LANCL3: variants seen among roughly 807,000 people sequenced by gnomAD.
LANCL3 encodes LanC like family member 3.
LANCL3 carries 19 observed loss-of-function variants against 26.5 expected under a neutral mutation model. The ratio of observed to expected loss-of-function variants is 0.72; its 90% CI spans 0.50 to 1.05. The LOEUF (loss-of-function observed/expected upper bound fraction) is 1.05. Among genes scored for constraint, LANCL3 ranks in the 50% least tolerant of loss-of-function variants. LANCL3 has a pLI of 0.00. For synonymous variants in LANCL3, 160 were observed against 166.6 expected (o/e 0.96, Z 0.30); for missense variants, 318 against 362.7 (o/e 0.88, Z 1.00).
In LANCL3 at chrX:37,572,299, C is replaced by T. The variant is rs1923613980; in HGVS notation, c.429C>T (p.Tyr143=). Residue 143 remains tyrosine, a synonymous_variant, in exon 1 of 5, where the codon TAC becomes TAT. Coordinates refer to ENST00000378619, the MANE Select transcript of LANCL3 (RefSeq NM_001170331.2). ...ACCACGCCCTGGGCCGGTCCGACTA[C>T]GTGCAGCCGCTGGGCAAGTTCCGGG... ...LVYHALGRSD[Y]VQPLGKFRAL... is the part of the protein sequence containing the mutation. The T allele has an allele frequency of 1.7e-6, 2 of 1,156,605 alleles. No individual in the cohort carries two copies. The highest frequency in any genetic ancestry group is 1.1e-6 in the Non-Finnish European group (1 of 869,857).
chrX:37,607,588 A>C (rs922067644), intron 1 of LANCL3, among the ~76,000 whole-genome samples: 1 of 112,703 alleles, frequency 8.9e-6, no homozygotes, highest in African/African-American at 3.2e-5. Flanking sequence ...TCATAGTACC[A>C]GCTTAGAATA....
chrX:37,623,665 T>C (rs1184337122), intron 1 of LANCL3, among the ~76,000 whole-genome samples: 4 of 112,236 alleles, frequency 3.6e-5, no homozygotes, highest in Non-Finnish European at 7.5e-5. Flanking sequence ...TTTTTTAAAG[T>C]ATTGCATGTA....
intron 1 of LANCL3, among the ~76,000 whole-genome samples, chrX:37,624,791 A>G (rs1925269075): frequency 8.9e-6 from 1 of 111,810 alleles, no homozygotes; most frequent in Non-Finnish European, 1.9e-5. Flanking sequence ...ATAAGAGGTC[A>G]TACCACCGTT....
intron 3 of LANCL3, among the ~76,000 whole-genome samples, chrX:37,660,464 T>A (rs1926390232): frequency 8.9e-6 from 1 of 111,877 alleles, no homozygotes; most frequent in Admixed American, 9.5e-5. Flanking sequence ...TAGCAAACCC[T>A]ATCTTTTTCC....
chrX:37,670,233 T>C (rs1158702385), intron 4 of LANCL3, among the ~76,000 whole-genome samples: 1 of 112,149 alleles, frequency 8.9e-6, no homozygotes, highest in Admixed American at 9.5e-5. Flanking sequence ...GTGATGCTTC[T>C]ATTCAGAATT....
intron 2 of LANCL3, among the ~76,000 whole-genome samples, chrX:37,657,736 G>C: frequency 9.1e-6 from 1 of 110,109 alleles, no homozygotes; most frequent in Non-Finnish European, 1.9e-5. Context: ...ATATTTTCCT[G>C]AAAAGCAAGC....
Position 37,572,209 on chromosome X carries a change from CGCCGACACCCGCGCCGCCTTCCT to C in LANCL3, c.342_364del (p.Asp115ArgfsTer128). ...GCGCTGAGGAGTGGGGCGAACCGGA[CGCCGACACCCGCGCCGCCTTCCT>C]GCTCGGGGGCGCGGGCGTGTACGCC... is the stretch of plus-strand genomic sequence containing the variant. On this transcript the variant is annotated frameshift_variant, in exon 1 of 5. Transcript: ENST00000378619. LOFTEE classifies it high-confidence loss of function. 1 of 1,157,985 alleles carries C rather than the reference CGCCGACACCCGCGCCGCCTTCCT, an allele frequency of 8.6e-7. No homozygotes were observed. The highest frequency in any genetic ancestry group is 1.1e-6 in the Non-Finnish European group (1 of 872,740).
intron 1 of LANCL3, among the ~76,000 whole-genome samples, chrX:37,585,077 T>G (rs1556417666): frequency 8.9e-6 from 1 of 112,027 alleles, no homozygotes; most frequent in Non-Finnish European, 1.9e-5. Flanking sequence ...CAGGAGCAGA[T>G]TGTTCAGTTT....
Position 37,682,139 on chromosome X carries a change from G to GT in LANCL3, c.*6327dup, listed in dbSNP as rs1325779079. On this transcript the variant is annotated 3_prime_UTR_variant, in exon 5 of 5. Coordinates refer to ENST00000378619, the MANE Select transcript of LANCL3 (RefSeq NM_001170331.2). ...TTTTTTTGAGACGGAGTCTCGCTCTGTCGCCCAGGCTGGAGTGCAGTGGCG... is the reference window on the plus strand; with the variant it reads ...TTTTTTTGAGACGGAGTCTCGCTCTGTTCGCCCAGGCTGGAGTGCAGTGGCG... 2.1e-5 allele frequency: 2 copies of GT among 94,764 alleles called. No individual in the cohort carries two copies. The highest frequency in any genetic ancestry group is 4.1e-5 in the Non-Finnish European group (2 of 48,243). The allele number at this position is 94,764 out of a possible 1,213,427, so 7.8% of individuals were successfully genotyped here.
At chrX:37,638,492 T>C (rs1651636631) in intron 1 of LANCL3, among the ~76,000 whole-genome samples, 1 of 111,657 alleles carries the variant, frequency 9.0e-6, no homozygotes, top group African/African-American at 3.3e-5. Flanking sequence ...TCAGGATACC[T>C]AGTAAAGTTG....
chrX:37,670,887 T>C (rs1276701083), intron 4 of LANCL3, among the ~76,000 whole-genome samples: 1 of 111,397 alleles, frequency 9.0e-6, no homozygotes, highest in Non-Finnish European at 1.9e-5. Context: ...AAGAAGATCT[T>C]GTATGTTTTT....
chrX:37,590,235 A>G (rs1330844755), intron 1 of LANCL3, among the ~76,000 whole-genome samples: 7 of 112,614 alleles, frequency 6.2e-5, no homozygotes, highest in African/African-American at 2.3e-4. Context: ...CTTTGTTTCT[A>G]GAGATAATTT....
chrX:37,602,459 G>A (rs924457247), intron 1 of LANCL3, among the ~76,000 whole-genome samples: 3 of 111,901 alleles, frequency 2.7e-5, no homozygotes, highest in Admixed American at 9.5e-5. Flanking sequence ...AACCCATAAG[G>A]TCTTTTCCTA....
At position 37,675,634 on chromosome X, in the gene LANCL3, A is replaced by G; in HGVS notation, c.1104-20A>G. 1 of 1,068,864 alleles carries G rather than the reference A, an allele frequency of 9.4e-7. No homozygotes were observed. Among genetic ancestry groups the G allele is most frequent in the Non-Finnish European group, 1.2e-6 (1 of 812,836 alleles). The allele number at this position is 1,068,864 out of a possible 1,213,427, so 88.1% of individuals were successfully genotyped here. A position where few individuals can be genotyped will look rare whatever the true frequency, so the allele number is the denominator to read the frequency against. On this transcript the variant is annotated intron_variant, in intron 4 of 4. Coordinates refer to ENST00000378619, the MANE Select transcript of LANCL3 (RefSeq NM_001170331.2). ...TGGAAACACTCATGTTAAACTGTTC[A>G]TATTTTCTTCTTCTCTTAGGTTTGC...
chrX:37,592,540 T>C (rs1229981126), intron 1 of LANCL3, among the ~76,000 whole-genome samples: 1 of 112,052 alleles, frequency 8.9e-6, no homozygotes, highest in Non-Finnish European at 1.9e-5. Context: ...GAGAAGAAAG[T>C]AATCACATGT....
At chrX:37,638,042 C>T (rs1160276821) in intron 1 of LANCL3, among the ~76,000 whole-genome samples, 1 of 110,004 alleles carries the variant, frequency 9.1e-6, no homozygotes, top group Non-Finnish European at 1.9e-5. Flanking sequence ...TATGTTTAAA[C>T]TTGGAATGAG....
intron 1 of LANCL3, among the ~76,000 whole-genome samples, chrX:37,626,919 A>G (rs868987006): frequency 8.9e-6 from 1 of 112,128 alleles, no homozygotes; most frequent in Non-Finnish European, 1.9e-5. Flanking sequence ...TGTTACTTCA[A>G]TTCTAACCTT....
intron 1 of LANCL3, among the ~76,000 whole-genome samples, chrX:37,632,146 T>G (rs1351388990): frequency 1.3e-3 from 151 of 112,084 alleles, no homozygotes; most frequent in Middle Eastern, 4.6e-3. Flanking sequence ...CCTGTATTGG[T>G]TGCATATATA....
At chrX:37,650,592 G>T (rs1287460906) in intron 1 of LANCL3, among the ~76,000 whole-genome samples, 9 of 106,576 alleles carry the variant, frequency 8.4e-5, no homozygotes, top group Admixed American at 3.1e-4. Flanking sequence ...ATGGAAAATT[G>T]GTAGGAAGCC....
Sources: allele counts gnomAD v4.1 joint callset (sites outside exome capture counted in the v4.1 genomes callset), GRCh38; gene constraint gnomAD v4.1.1; transcripts MANE v1.5; gene names NCBI Gene and HGNC (gene_info 2026-07-23, HGNC 2026-07-21).